Variants in CD86 observed in about 807,000 individuals in gnomAD.
CD86 encodes the protein T-lymphocyte activation antigen CD86.
In CD86, 11 loss-of-function variants were observed where a neutral mutation model predicts 32.1. The observed-to-expected ratio is 0.34, with a 90% CI of 0.22 to 0.57. The LOEUF (loss-of-function observed/expected upper bound fraction) is 0.57. Ranked by LOEUF, CD86 falls within the 20% of genes least tolerant of loss-of-function variation. The pLI is 0.86. For synonymous variants in CD86, 137 were observed against 135.3 expected (o/e 1.01, Z -0.09); for missense variants, 359 against 398.4 (o/e 0.90, Z 0.84).
intron 2 of CD86, among the ~76,000 whole-genome samples, chr3:122,094,813 A>G (rs2072881246): frequency 6.6e-6 from 1 of 152,226 alleles, no homozygotes; most frequent in South Asian, 2.1e-4. Flanking sequence ...ATTGGATGGG[A>G]GTTTAAGACT....
chr3:122,078,122 GATGTGCTA>G (rs1352411603), intron 1 of CD86: 4 of 888,494 alleles, frequency 4.5e-6, no homozygotes, highest in Non-Finnish European at 5.4e-6. Context: ...CAGAAATGCT[GATGTGCTA>G]ATGGCCGGCC....
chr3:122,106,742 G>A (rs1172095296), intron 4 of CD86, among the ~76,000 whole-genome samples: 1 of 151,758 alleles, frequency 6.6e-6, no homozygotes, highest in African/African-American at 2.4e-5. Flanking sequence ...CAGTCTCTTG[G>A]TTTACCTTTG....
Position 122,114,477 on chromosome 3 carries a change from A to G in CD86, c.848-3571A>G, listed in dbSNP as rs141532259. 6.9e-3 allele frequency among the ~76,000 whole-genome samples: 1,048 copies of G among 152,228 alleles called. 13 individuals are homozygous for G. Among genetic ancestry groups the G allele is most frequent in the African/African-American group, 0.024 (1,008 of 41,554 alleles). ...AGTGAAGGAAAGAAAAAATGAGATA[A>G]GCCCTATGATTGCTCTAGTTTGCTG... On this transcript the variant is annotated intron_variant, in intron 5 of 6. Coordinates refer to ENST00000330540, the MANE Select transcript of CD86 (RefSeq NM_175862.5).
At chr3:122,102,059 C>T (rs113267846) in intron 2 of CD86, among the ~76,000 whole-genome samples, 6,540 of 152,188 alleles carry the variant, frequency 0.043, 194 homozygotes, top group South Asian at 0.073. Context: ...AAGACCACCA[C>T]CAACCCCTTG....
At chr3:122,090,502 A>G (rs2072798254) in intron 1 of CD86, among the ~76,000 whole-genome samples, 1 of 152,192 alleles carries the variant, frequency 6.6e-6, no homozygotes, top group South Asian at 2.1e-4. Context: ...TGTCCCCCTC[A>G]GTGCAAATTG....
In CD86 at chr3:122,076,698, T is replaced by A. The variant is rs140462577; in HGVS notation, c.15-14903T>A. ...GGAGATCTTTGTGCAAAGGTCAAAG[T>A]AAGAATTGGGAAAGTCTGAAAAGAA... On this transcript the variant is annotated intron_variant, in intron 1 of 6. Coordinates refer to ENST00000330540, the MANE Select transcript of CD86 (RefSeq NM_175862.5). Among the ~76,000 whole-genome samples, 11 of 152,240 alleles carry A rather than the reference T, an allele frequency of 7.2e-5. 1 individual carries two copies. In the East Asian group the frequency reaches 2.1e-3, roughly 29 times the overall value.
chr3:122,070,113 G>A (rs1233097642), intron 1 of CD86, among the ~76,000 whole-genome samples: 1 of 152,140 alleles, frequency 6.6e-6, no homozygotes, highest in Admixed American at 6.6e-5. Context: ...GAGAGATAGT[G>A]AAGACAGACA....
chr3:122,091,481 C>G, intron 1 of CD86, 120 bp from the exon 2 acceptor site: 2 of 767,938 alleles, frequency 2.6e-6, no homozygotes, highest in Non-Finnish European at 4.6e-6. Flanking sequence ...CTGGCATTGT[C>G]TCTGCACACC....
intron 2 of CD86, among the ~76,000 whole-genome samples, chr3:122,096,463 T>G (rs2072909842): frequency 6.6e-6 from 1 of 152,176 alleles, no homozygotes; most frequent in Admixed American, 6.5e-5. Context: ...TTGAGTAAAT[T>G]TATCTATAAA....
At chr3:122,056,402 T>A (rs2072237175) in intron 1 of CD86, among the ~76,000 whole-genome samples, 1 of 152,228 alleles carries the variant, frequency 6.6e-6, no homozygotes, top group Admixed American at 6.5e-5. Context: ...TGGCGCAATC[T>A]CAGCTCACTG....
intron 5 of CD86, among the ~76,000 whole-genome samples, chr3:122,115,854 T>C (rs1174060278): frequency 1.3e-5 from 2 of 149,174 alleles, no homozygotes; most frequent in Non-Finnish European, 3.0e-5. Context: ...AGGACAGACA[T>C]ATCAGTCAAT....
chr3:122,089,200 G>A (rs2072773442), intron 1 of CD86, among the ~76,000 whole-genome samples: 1 of 152,176 alleles, frequency 6.6e-6, no homozygotes. Flanking sequence ...TTGTTTAATA[G>A]GTATAGAGGC....
intron 4 of CD86, 52 bp downstream of exon 4, chr3:122,106,552 C>T (rs762398491): frequency 6.9e-7 from 1 of 1,455,590 alleles, no homozygotes; most frequent in Non-Finnish European, 9.4e-7. Context: ...TACACAAATG[C>T]TTAAGGCAGA....
At chr3:122,091,093 A>T (rs530295448) in intron 1 of CD86, among the ~76,000 whole-genome samples, 1 of 152,344 alleles carries the variant, frequency 6.6e-6, no homozygotes, top group Admixed American at 6.5e-5. Flanking sequence ...GGTCAAGATA[A>T]ATAATACTAG....
intron 1 of CD86, among the ~76,000 whole-genome samples, chr3:122,063,731 T>A (rs1406676771): frequency 6.6e-6 from 1 of 152,034 alleles, no homozygotes; most frequent in African/African-American, 2.4e-5. Flanking sequence ...AATTTTCTTG[T>A]ATTTTTAGTA....
At chr3:122,069,517 G>A (rs868751315) in intron 1 of CD86, among the ~76,000 whole-genome samples, 3 of 152,234 alleles carry the variant, frequency 2.0e-5, no homozygotes, top group Middle Eastern at 3.4e-3. Flanking sequence ...TGAGATACAC[G>A]ACAGGCAGGT....
intron 1 of CD86, among the ~76,000 whole-genome samples, chr3:122,081,875 C>T (rs1263974703): frequency 6.6e-6 from 1 of 152,216 alleles, no homozygotes; most frequent in Non-Finnish European, 1.5e-5. Flanking sequence ...GCTTGCTGTT[C>T]TCCATGTCTT....
intron 2 of CD86, among the ~76,000 whole-genome samples, chr3:122,093,568 G>T (rs2072860563): frequency 6.6e-6 from 1 of 152,036 alleles, no homozygotes; most frequent in East Asian, 1.9e-4. Flanking sequence ...GTAACACAAT[G>T]GTATGTATTT....
intron 3 of CD86, 70 bp from the exon 4 acceptor site, chr3:122,106,128 T>G: frequency 1.7e-6 from 2 of 1,203,874 alleles, no homozygotes; most frequent in Non-Finnish European, 1.1e-6. Context: ...AAGTACCCAG[T>G]TATTTGCTAT....
Sources: gnomAD v4.1 joint callset for allele counts (sites outside exome capture counted in the v4.1 genomes callset) on GRCh38, gnomAD v4.1.1 for gene constraint, MANE v1.5 for transcripts, NCBI Gene and HGNC (gene_info 2026-07-23, HGNC 2026-07-21) for gene names.